The following AGAP1 variants were observed in gnomAD, a reference collection of about 807,000 sequenced individuals.
The protein encoded by AGAP1 is arf-GAP with GTPase, ANK repeat and PH domain-containing protein 1.
Under a neutral mutation model 105.3 loss-of-function variants are expected in AGAP1, and 29 were observed. That is an observed-to-expected ratio of 0.28 (90% CI 0.21 to 0.38). The LOEUF (loss-of-function observed/expected upper bound fraction) is 0.38. AGAP1 is among the 10% of genes least tolerant of loss of function. The pLI is 1.00. For missense variants in AGAP1, 998 were observed against 1,165.1 expected (o/e 0.86, Z 2.09); for synonymous variants, 509 against 485.9 (o/e 1.05, Z -0.63).
Position 235,855,237 on chromosome 2 carries a change from G to A in AGAP1, c.1051-28108G>A, listed in dbSNP as rs2048637930. Reference sequence around the variant, plus strand: ...CTTGGGGTGGCGCACGGAAATGGAAGCGTGAGGTCATCCCTGTGATCAGTA... The same window carrying A: ...CTTGGGGTGGCGCACGGAAATGGAAACGTGAGGTCATCCCTGTGATCAGTA... On this transcript the variant is annotated intron_variant, in intron 9 of 17. Transcript: ENST00000304032. The surrounding 1 kb of genome is among the most constrained non-coding windows in gnomAD (Gnocchi z 5.0). Among the ~76,000 whole-genome samples, 1 of 152,210 alleles carries A rather than the reference G, an allele frequency of 6.6e-6. No individual in the cohort carries two copies. The highest frequency in any genetic ancestry group is 2.1e-4 in the South Asian group (1 of 4,824).
chr2:235,532,552 G>A (rs1943079580), intron 1 of AGAP1, among the ~76,000 whole-genome samples: 1 of 152,206 alleles, frequency 6.6e-6, no homozygotes, highest in Admixed American at 6.5e-5. Flanking sequence ...ATATGCAGTG[G>A]TTTGTCCAGC....
rs1354712812 is a variant in AGAP1, at chr2:235,739,674, G to A, written c.311-1289G>A. 1.3e-5 allele frequency among the ~76,000 whole-genome samples: 2 copies of A among 152,270 alleles called. No individual in the cohort carries two copies. Among genetic ancestry groups the A allele is most frequent in the Non-Finnish European group, 2.9e-5 (2 of 68,046 alleles). On this transcript the variant is annotated intron_variant, in intron 3 of 17. Transcript: ENST00000304032. This position sits in a 1 kb window ranked among gnomAD's most constrained non-coding sequence, Gnocchi z 5.3. ...TGTTGAGTGTGAGCACACGAGCATG[G>A]CAGGAGCTCGCGGGAACGGGCCAAC...
intron 1 of AGAP1, among the ~76,000 whole-genome samples, chr2:235,511,494 C>T (rs757266660): frequency 4.6e-5 from 7 of 152,242 alleles, no homozygotes; most frequent in Non-Finnish European, 7.3e-5. Flanking sequence ...CCTCACTCCT[C>T]CCATTGCCTG....
intron 3 of AGAP1, among the ~76,000 whole-genome samples, chr2:235,731,887 T>C (rs563111494): frequency 7.2e-5 from 11 of 152,186 alleles, no homozygotes; most frequent in Non-Finnish European, 5.9e-5. Flanking sequence ...GGAGGCTCCT[T>C]ATCTCTCCTA....
rs888635859 is a variant in AGAP1 at position 236,058,998 on chromosome 2, C to A, written c.2114+9717C>A. Among the ~76,000 whole-genome samples, 1 of 152,044 alleles carries A rather than the reference C, an allele frequency of 6.6e-6. No individual in the cohort carries two copies. Among genetic ancestry groups the A allele is most frequent in the Non-Finnish European group, 1.5e-5 (1 of 68,016 alleles). On this transcript the variant is annotated intron_variant, in intron 16 of 17. Transcript: ENST00000304032. This position sits in a 1 kb window ranked among gnomAD's most constrained non-coding sequence, Gnocchi z 4.6. ...TGGGCCACAATCGCACCACCACTTT[C>A]CAGCCTGGGGAACAGAGCAAGACTC...
rs1576129722 is a variant in AGAP1 at position 236,036,499 on chromosome 2, G to A, written c.1646-62G>A. 2 of 1,582,336 alleles carry A rather than the reference G, an allele frequency of 1.3e-6. No homozygotes were observed. Among genetic ancestry groups the A allele is most frequent in the South Asian group, 1.2e-5 (1 of 84,514 alleles). The stretch of plus-strand genomic sequence containing the variant: ...CCCAGAGGCGCTTCTGTGACAGAGG[G>A]CCCGCAGGGGGACTGCTGTCTCATA... On this transcript the variant is annotated intron_variant, in intron 13 of 17. Coordinates refer to ENST00000304032, the MANE Select transcript of AGAP1 (RefSeq NM_001037131.3). This position sits in a 1 kb window ranked among gnomAD's most constrained non-coding sequence, Gnocchi z 5.7.
In AGAP1 at chr2:235,733,187, C is replaced by T. The variant is rs1952049364; in HGVS notation, c.311-7776C>T. 6.6e-6 allele frequency among the ~76,000 whole-genome samples: 1 copy of T among 152,198 alleles called. No homozygotes were observed. The highest frequency in any genetic ancestry group is 2.1e-4 in the South Asian group (1 of 4,836). ...TCATTGTTCCCCTTGAGGTGCCCCC[C>T]TGCGTGGGTCACTTCTCCCGCTCAC... On this transcript the variant is annotated intron_variant, in intron 3 of 17. Transcript: ENST00000304032. This position sits in a 1 kb window ranked among gnomAD's most constrained non-coding sequence, Gnocchi z 5.0.
intron 1 of AGAP1, among the ~76,000 whole-genome samples, chr2:235,606,301 C>T (rs1428370618): frequency 6.6e-6 from 1 of 152,162 alleles, no homozygotes; most frequent in Non-Finnish European, 1.5e-5. Context: ...AACAGCAGAC[C>T]GCTGAGAGCC....
chr2:235,712,000 G>T (rs551413208), intron 2 of AGAP1, among the ~76,000 whole-genome samples: 1 of 152,190 alleles, frequency 6.6e-6, no homozygotes, highest in African/African-American at 2.4e-5. Flanking sequence ...AAGAGTGGTA[G>T]TACCATGCCT....
At position 235,963,169 on chromosome 2, in the gene AGAP1, C is replaced by T. The variant is rs1262671743; in HGVS notation, c.1484-5293C>T. Among the ~76,000 whole-genome samples the T allele has an allele frequency of 6.6e-6, 1 of 152,074 alleles. No homozygotes were observed. The highest frequency in any genetic ancestry group is 2.1e-4 in the South Asian group (1 of 4,820). The stretch of plus-strand genomic sequence containing the variant: ...TCCTCCAGGTGAGTCCGGGATTTCT[C>T]GGACTCACCAAGAGAATTATAAATA... On this transcript the variant is annotated intron_variant, in intron 12 of 17. Coordinates refer to ENST00000304032, the MANE Select transcript of AGAP1 (RefSeq NM_001037131.3). The surrounding 1 kb of genome is among the most constrained non-coding windows in gnomAD (Gnocchi z 5.1).
chr2:235,508,465 G>A (rs1396854423), intron 1 of AGAP1, among the ~76,000 whole-genome samples: 1 of 152,128 alleles, frequency 6.6e-6, no homozygotes, highest in Non-Finnish European at 1.5e-5. Flanking sequence ...ATTCACGCTC[G>A]GTTTTTTACT....
chr2:235,497,981 C>G (rs189923182), intron 1 of AGAP1, among the ~76,000 whole-genome samples: 1 of 152,276 alleles, frequency 6.6e-6, no homozygotes, highest in African/African-American at 2.4e-5. Context: ...GCACCCTACT[C>G]AAAACTTCAC....
rs1949990954 is a variant in AGAP1 at position 235,696,221 on chromosome 2, C to T, written c.164-12958C>T. On this transcript the variant is annotated intron_variant, in intron 1 of 17. Transcript: ENST00000304032. Reference sequence around the variant, plus strand: ...CCCCCATGCCCAGCTAATTTTTGTACTTCTAGTAGAGACAGGGTTTCTCCA... The same window carrying T: ...CCCCCATGCCCAGCTAATTTTTGTATTTCTAGTAGAGACAGGGTTTCTCCA... Among the ~76,000 whole-genome samples the T allele has an allele frequency of 2.0e-5, 3 of 152,092 alleles. No homozygotes were observed. The South Asian group carries it at 6.2e-4, about 32-fold the overall frequency.
Position 235,639,190 on chromosome 2 carries a change from G to A in AGAP1, c.164-69989G>A, listed in dbSNP as rs1331527559. On this transcript the variant is annotated intron_variant, in intron 1 of 17. Coordinates refer to ENST00000304032, the MANE Select transcript of AGAP1 (RefSeq NM_001037131.3). The surrounding 1 kb of genome is among the most constrained non-coding windows in gnomAD (Gnocchi z 5.3). ...TGATAGTGGCCCACAGGTTGAGAGA[G>A]GGGATGGGTTCAGCTTTGGCCATGC... 1.3e-5 allele frequency among the ~76,000 whole-genome samples: 2 copies of A among 152,200 alleles called. No individual in the cohort carries two copies. The highest frequency in any genetic ancestry group is 2.9e-5 in the Non-Finnish European group (2 of 68,032).
At chr2:235,604,572 C>CTTTTTTTTTTTTTTTTTTTTT (rs1166523228) in intron 1 of AGAP1, among the ~76,000 whole-genome samples, 1 of 69,672 alleles carries the variant, frequency 1.4e-5, no homozygotes. Context: ...TTTTTATTAT[C>CTTTTTTTTTTTTTTTTTTTTT]TTTTTTTTTT....
chr2:235,701,646 A>G lies in AGAP1; in HGVS notation c.164-7533A>G, dbSNP rs1391110061. Reference sequence around the variant, plus strand: ...GGATTCAAGGATTTCCAAATAAGAAATTAAATCCTACCATTGAAACTGTGC... The same window carrying G: ...GGATTCAAGGATTTCCAAATAAGAAGTTAAATCCTACCATTGAAACTGTGC... On this transcript the variant is annotated intron_variant, in intron 1 of 17. Coordinates refer to ENST00000304032, the MANE Select transcript of AGAP1 (RefSeq NM_001037131.3). This position sits in a 1 kb window ranked among gnomAD's most constrained non-coding sequence, Gnocchi z 4.1. Among the ~76,000 whole-genome samples the G allele has an allele frequency of 6.6e-6, 1 of 152,214 alleles. No homozygotes were observed.
At chr2:235,531,663 A>G (rs1943049568) in intron 1 of AGAP1, among the ~76,000 whole-genome samples, 1 of 147,446 alleles carries the variant, frequency 6.8e-6, no homozygotes, top group Admixed American at 6.9e-5. Flanking sequence ...GCTGGAGTGC[A>G]GTGGCGCGAT....
chr2:235,596,797 T>C lies in AGAP1; in HGVS notation c.163+101948T>C, dbSNP rs1310789518. 6.6e-6 allele frequency among the ~76,000 whole-genome samples: 1 copy of C among 152,114 alleles called. No individual in the cohort carries two copies. Among genetic ancestry groups the C allele is most frequent in the African/African-American group, 2.4e-5 (1 of 41,414 alleles). On this transcript the variant is annotated intron_variant, in intron 1 of 17. Transcript: ENST00000304032. The surrounding 1 kb of genome is among the most constrained non-coding windows in gnomAD (Gnocchi z 5.9). ...GGCCGGGGCTGTCGACTGAATTGTG[T>C]CCCTGCAACCCCGTGTGATGGTATT...
chr2:235,835,065 C>T (rs896979174), intron 9 of AGAP1, among the ~76,000 whole-genome samples: 6 of 152,350 alleles, frequency 3.9e-5, no homozygotes, highest in African/African-American at 7.2e-5. Context: ...ACACCTCCCC[C>T]GTTCCCGATT....
Sources: gnomAD v4.1 joint callset for allele counts (sites outside exome capture counted in the v4.1 genomes callset) on GRCh38, gnomAD v4.1.1 for gene constraint, Gnocchi (gnomAD v3.1) non-coding constraint, MANE v1.5 for transcripts, NCBI Gene and HGNC (gene_info 2026-07-23, HGNC 2026-07-21) for gene names.